RNGTT: variants seen among roughly 807,000 people sequenced by gnomAD.
RNGTT encodes mRNA-capping enzyme.
A neutral mutation model predicts 79.3 loss-of-function variants in RNGTT; 33 were observed. The ratio of observed to expected loss-of-function variants is 0.42; its 90% CI spans 0.32 to 0.56. The LOEUF is 0.56. RNGTT is among the 20% of genes least tolerant of loss of function. The probability of loss-of-function intolerance (pLI) is 0.17; values close to 1 mark genes in which losing one functional copy is unlikely to be tolerated. For synonymous variants in RNGTT, 222 were observed against 235.9 expected (o/e 0.94, Z 0.54); for missense variants, 497 against 739.1 (o/e 0.67, Z 3.80).
intron 13 of RNGTT, among the ~76,000 whole-genome samples, chr6:88,730,696 TG>T (rs1443114939): frequency 6.6e-6 from 1 of 152,222 alleles, no homozygotes; most frequent in Non-Finnish European, 1.5e-5. Flanking sequence ...GTCTGTGGCC[TG>T]GGAGTTGGGG....
At chr6:88,684,855 G>A (rs1377053383) in intron 13 of RNGTT, among the ~76,000 whole-genome samples, 1 of 152,076 alleles carries the variant, frequency 6.6e-6, no homozygotes, top group African/African-American at 2.4e-5. Flanking sequence ...CTGATAGTGG[G>A]GGAGGGCCAT....
intron 8 of RNGTT, among the ~76,000 whole-genome samples, chr6:88,876,256 T>C (rs948221670): frequency 1.3e-5 from 2 of 152,214 alleles, no homozygotes; most frequent in Admixed American, 6.5e-5. Context: ...TGCCTGAGTA[T>C]TGTGGCTCAG....
chr6:88,665,825 G>A (rs1045626977), intron 14 of RNGTT, among the ~76,000 whole-genome samples: 2 of 152,310 alleles, frequency 1.3e-5, no homozygotes, highest in South Asian at 2.1e-4. Flanking sequence ...CTGCTGGGAC[G>A]CCCCATGGCA....
At chr6:88,622,058 C>A (rs1200761251) in intron 14 of RNGTT, among the ~76,000 whole-genome samples, 1 of 152,108 alleles carries the variant, frequency 6.6e-6, no homozygotes, top group Non-Finnish European at 1.5e-5. Flanking sequence ...ATAAAACTAA[C>A]CTCCCTTGCT....
At chr6:88,635,489 C>T (rs1307416057) in intron 14 of RNGTT, among the ~76,000 whole-genome samples, 1 of 152,002 alleles carries the variant, frequency 6.6e-6, no homozygotes, top group Admixed American at 6.6e-5. Flanking sequence ...ATTGCCCTTA[C>T]AGTCAAAATA....
intron 11 of RNGTT, among the ~76,000 whole-genome samples, chr6:88,815,830 G>A (rs1284782279): frequency 2.0e-5 from 3 of 152,258 alleles, no homozygotes; most frequent in South Asian, 4.2e-4. Context: ...AACCCACACT[G>A]GGATACCAAA....
At chr6:88,912,715 C>T (rs983915869) in intron 4 of RNGTT, among the ~76,000 whole-genome samples, 3 of 151,976 alleles carry the variant, frequency 2.0e-5, no homozygotes, top group African/African-American at 7.3e-5. Flanking sequence ...GACATTACGA[C>T]CAACCACACA....
intron 11 of RNGTT, among the ~76,000 whole-genome samples, chr6:88,804,025 T>C (rs1414756659): frequency 6.6e-6 from 1 of 152,236 alleles, no homozygotes; most frequent in Non-Finnish European, 1.5e-5. Flanking sequence ...ATATTTATGA[T>C]ATCACCTATC....
At chr6:88,926,025 A>G (rs190438629) in intron 4 of RNGTT, among the ~76,000 whole-genome samples, 2 of 152,318 alleles carry the variant, frequency 1.3e-5, no homozygotes, top group African/African-American at 4.8e-5. Flanking sequence ...CTAAAAGAAA[A>G]ATACTCATTT....
intron 4 of RNGTT, among the ~76,000 whole-genome samples, chr6:88,918,685 A>G (rs1562026083): frequency 6.6e-6 from 1 of 152,214 alleles, no homozygotes; most frequent in Non-Finnish European, 1.5e-5. Flanking sequence ...TATAAATTCC[A>G]TTATCTCCAT....
chr6:88,904,600 G>GA, intron 6 of RNGTT, 115 bp downstream of exon 6: 1 of 1,229,478 alleles, frequency 8.1e-7, no homozygotes, highest in Non-Finnish European at 1.1e-6. Flanking sequence ...GGGCTAGGAT[G>GA]AATCATCTGA....
chr6:88,738,232 T>C (rs547036628), intron 13 of RNGTT, among the ~76,000 whole-genome samples: 5 of 152,208 alleles, frequency 3.3e-5, no homozygotes, highest in South Asian at 2.1e-4. Flanking sequence ...ATGAGGAGCA[T>C]CCTATAATAC....
intron 14 of RNGTT, among the ~76,000 whole-genome samples, chr6:88,661,970 T>A (rs1469236421): frequency 6.6e-6 from 1 of 152,188 alleles, no homozygotes; most frequent in Non-Finnish European, 1.5e-5. Flanking sequence ...AATACATCAC[T>A]TTCAAGTGGC....
In RNGTT at chr6:88,906,347, A is replaced by T; in HGVS notation, c.443+18T>A. ...TTTATTACAAAATACATCTTCCATT[A>T]TAACAAGATACAAATACCTCCAATC... On this transcript the variant is annotated intron_variant, in intron 5 of 15. Transcript: ENST00000369485. 6.7e-7 allele frequency: 1 copy of T among 1,502,080 alleles called. No individual in the cohort carries two copies. The highest frequency in any genetic ancestry group is 9.1e-7 in the Non-Finnish European group (1 of 1,103,150). The allele number at this position is 1,502,080 out of a possible 1,614,324, so 93.0% of individuals were successfully genotyped here.
chr6:88,781,838 A>G lies in RNGTT; in HGVS notation c.1339-11964T>C, dbSNP rs905096962. ...AACCAGAAAGGTTCAAAACTCTCGAATCATCTTTGATGCGATCTCTACCAA... is the reference window on the plus strand; with the variant it reads ...AACCAGAAAGGTTCAAAACTCTCGAGTCATCTTTGATGCGATCTCTACCAA... On this transcript the variant is annotated intron_variant, in intron 12 of 15. Transcript: ENST00000369485. Among the ~76,000 whole-genome samples, 16 of 152,084 alleles carry G rather than the reference A, an allele frequency of 1.1e-4. 1 individual carries two copies. The highest frequency in any genetic ancestry group is 3.9e-4 in the African/African-American group (16 of 41,348).
At chr6:88,691,336 C>A (rs1342022030) in intron 13 of RNGTT, among the ~76,000 whole-genome samples, 1 of 150,678 alleles carries the variant, frequency 6.6e-6, no homozygotes, top group Non-Finnish European at 1.5e-5. Flanking sequence ...GCTTCCTGTA[C>A]CGTCTGCACA....
intron 8 of RNGTT, among the ~76,000 whole-genome samples, chr6:88,855,513 TGAAAAA>T (rs1781816471): frequency 1.3e-4 from 19 of 143,074 alleles, no homozygotes; most frequent in African/African-American, 4.9e-4. Context: ...AAAAAAAAAG[TGAAAAA>T]AGAAAAAGGA....
At chr6:88,726,151 G>A (rs1776896305) in intron 13 of RNGTT, among the ~76,000 whole-genome samples, 1 of 152,140 alleles carries the variant, frequency 6.6e-6, no homozygotes, top group Non-Finnish European at 1.5e-5. Flanking sequence ...CTATGACCCT[G>A]TAACACTCCA....
intron 14 of RNGTT, among the ~76,000 whole-genome samples, chr6:88,663,131 C>T (rs1353961675): frequency 2.0e-5 from 3 of 152,146 alleles, no homozygotes; most frequent in Non-Finnish European, 4.4e-5. Context: ...CCTTTTGCCC[C>T]TTTTTCCCTT....
Sources: gnomAD v4.1 joint callset for allele counts (sites outside exome capture counted in the v4.1 genomes callset) on GRCh38, gnomAD v4.1.1 for gene constraint, MANE v1.5 for transcripts, NCBI Gene and HGNC (gene_info 2026-07-23, HGNC 2026-07-21) for gene names.